The following CNOT4 variants were observed in gnomAD, a reference collection of about 807,000 sequenced individuals.
CNOT4 encodes CCR4-NOT transcription complex subunit 4.
In CNOT4, 8 loss-of-function variants were observed where a neutral mutation model predicts 73.8. The ratio of observed to expected loss-of-function variants is 0.11; its 90% CI spans 0.06 to 0.20. The LOEUF is 0.20. Ranked by LOEUF, CNOT4 falls within the 10% of genes least tolerant of loss-of-function variation. The pLI, the probability that CNOT4 is intolerant of heterozygous loss-of-function variation, is 1.00. For missense variants in CNOT4, 564 were observed against 883.4 expected, an observed-to-expected ratio of 0.64 and a Z score of 4.58; for synonymous variants, 293 against 321.1, an observed-to-expected ratio of 0.91 and a Z score of 0.94.
chr7:135,463,540 C>T (rs565877133), intron 1 of CNOT4, among the ~76,000 whole-genome samples: 4 of 129,480 alleles, frequency 3.1e-5, no homozygotes, highest in South Asian at 2.6e-4. Context: ...TTCATCCCCC[C>T]ACCCAAAAAA....
At chr7:135,379,297 CTTCGT>C (rs551842515) in intron 10 of CNOT4, among the ~76,000 whole-genome samples, 82 of 152,214 alleles carry the variant, frequency 5.4e-4, no homozygotes, top group African/African-American at 1.9e-3. Flanking sequence ...TAATAATATG[CTTCGT>C]TTCAATTAAA....
intron 1 of CNOT4, among the ~76,000 whole-genome samples, chr7:135,491,749 A>G (rs2129487698): frequency 6.6e-6 from 1 of 152,336 alleles, no homozygotes; most frequent in Middle Eastern, 3.4e-3. Flanking sequence ...GTATGCTTGT[A>G]TATTGATAGG....
intron 1 of CNOT4, among the ~76,000 whole-genome samples, chr7:135,490,579 A>T (rs567320700): frequency 6.6e-6 from 1 of 152,306 alleles, no homozygotes; most frequent in Admixed American, 6.5e-5. Flanking sequence ...TATGGTGGAA[A>T]AGACAAGTGT....
chr7:135,496,082 T>C (rs1803558257), intron 1 of CNOT4, among the ~76,000 whole-genome samples: 1 of 152,136 alleles, frequency 6.6e-6, no homozygotes, highest in African/African-American at 2.4e-5. Flanking sequence ...TTTTCTTGAC[T>C]AAATAGTTTT....
chr7:135,462,340 T>C (rs1338847496), intron 1 of CNOT4, among the ~76,000 whole-genome samples: 1 of 152,148 alleles, frequency 6.6e-6, no homozygotes, highest in Non-Finnish European at 1.5e-5. Flanking sequence ...ATAATTAACC[T>C]ACCAGTTCTG....
At chr7:135,426,336 C>T (rs532680881) in intron 2 of CNOT4, among the ~76,000 whole-genome samples, 4 of 152,318 alleles carry the variant, frequency 2.6e-5, no homozygotes, top group East Asian at 1.9e-4. Flanking sequence ...GGCACGGTGG[C>T]TCACGCCTGT....
chr7:135,376,203 C>T (rs1795509414), intron 10 of CNOT4, among the ~76,000 whole-genome samples: 1 of 152,150 alleles, frequency 6.6e-6, no homozygotes, highest in Admixed American at 6.5e-5. Context: ...CAAAACACAT[C>T]CATGCTTTGC....
chr7:135,407,357 A>C (rs1053149305), intron 7 of CNOT4, among the ~76,000 whole-genome samples: 1 of 152,222 alleles, frequency 6.6e-6, no homozygotes, highest in African/African-American at 2.4e-5. Context: ...GTAAATTCCA[A>C]TATTCATTTC....
chr7:135,373,512 G>A (rs925563910), intron 10 of CNOT4, among the ~76,000 whole-genome samples: 3 of 152,198 alleles, frequency 2.0e-5, no homozygotes, highest in Non-Finnish European at 4.4e-5. Context: ...CAAAACCACT[G>A]TTAGAAAAAT....
intron 1 of CNOT4, 34 bp downstream of exon 1, chr7:135,509,855 G>A (rs1804632347): frequency 2.5e-6 from 1 of 393,720 alleles, no homozygotes; most frequent in Admixed American, 4.4e-5. Context: ...GTCAGCCCCG[G>A]GTTTCCCCTA....
chr7:135,391,947 GT>G (rs1198290422), intron 10 of CNOT4, among the ~76,000 whole-genome samples: 1 of 151,940 alleles, frequency 6.6e-6, no homozygotes, highest in Non-Finnish European at 1.5e-5. Flanking sequence ...CATTGTCAGA[GT>G]TTCTCATCTT....
In CNOT4 at chr7:135,483,765, G is replaced by A. The variant is rs565492243; in HGVS notation, c.-93+26124C>T. Among the ~76,000 whole-genome samples, 8 of 152,244 alleles carry A rather than the reference G, an allele frequency of 5.3e-5. No homozygotes were observed. The East Asian group carries it at 5.8e-4, about 11-fold the overall frequency. ...CTTAAGGTTGAGGCTGCAGTATGCC[G>A]AAACTGCACCATTGCACTCCAGCCT... On this transcript the variant is annotated intron_variant, in intron 1 of 11. Coordinates refer to ENST00000541284, the MANE Select transcript of CNOT4 (RefSeq NM_001190850.2).
chr7:135,384,629 A>T (rs180716369), intron 10 of CNOT4: 1 of 764,076 alleles, frequency 1.3e-6, no homozygotes, highest in Non-Finnish European at 2.4e-6. Context: ...TCAGGAGCTT[A>T]TCTCTTCCCA....
chr7:135,370,302 G>C (rs1795125673), intron 10 of CNOT4, among the ~76,000 whole-genome samples: 1 of 152,098 alleles, frequency 6.6e-6, no homozygotes, highest in Non-Finnish European at 1.5e-5. Flanking sequence ...AACAAAAAAG[G>C]CAATATTTGT....
intron 1 of CNOT4, among the ~76,000 whole-genome samples, chr7:135,471,185 T>G (rs909639851): frequency 6.6e-6 from 1 of 151,874 alleles, no homozygotes; most frequent in African/African-American, 2.4e-5. Context: ...TCTGGTATAC[T>G]CAGAACAGTT....
chr7:135,368,594 C>T (rs769885080), intron 10 of CNOT4, among the ~76,000 whole-genome samples: 9 of 152,184 alleles, frequency 5.9e-5, no homozygotes, highest in Admixed American at 5.2e-4. Flanking sequence ...AGTTGGGACA[C>T]GTACGGGAAC....
chr7:135,501,831 G>A (rs1254803030), intron 1 of CNOT4, among the ~76,000 whole-genome samples: 2 of 152,108 alleles, frequency 1.3e-5, no homozygotes, highest in African/African-American at 4.8e-5. Context: ...CCTATCAAGT[G>A]TTTGCTCATT....
At chr7:135,450,288 A>G (rs1463270923) in intron 1 of CNOT4, among the ~76,000 whole-genome samples, 4 of 152,272 alleles carry the variant, frequency 2.6e-5, no homozygotes, top group Admixed American at 6.5e-5. Flanking sequence ...AAGAAGGAGG[A>G]AAATAATCCA....
intron 10 of CNOT4, among the ~76,000 whole-genome samples, chr7:135,374,643 TTA>T (rs1795417545): frequency 5.7e-5 from 1 of 17,630 alleles, no homozygotes; most frequent in African/African-American, 1.2e-4. Flanking sequence ...ATTAAAACTC[TTA>T]ACATTCTTTG....
Sources: allele counts gnomAD v4.1 joint callset (sites outside exome capture counted in the v4.1 genomes callset), GRCh38; gene constraint gnomAD v4.1.1; transcripts MANE v1.5; gene names NCBI Gene and HGNC (gene_info 2026-07-23, HGNC 2026-07-21).